RBMS3: variants seen among roughly 807,000 people sequenced by gnomAD.
RBMS3 encodes RNA-binding motif, single-stranded-interacting protein 3.
A neutral mutation model predicts 66.8 loss-of-function variants in RBMS3; 27 were observed. That is an observed-to-expected ratio of 0.40 (90% confidence interval 0.30 to 0.56). The LOEUF (loss-of-function observed/expected upper bound fraction) is 0.56, where lower values mean the gene tolerates loss of function less well. RBMS3 is among the 20% of genes least tolerant of loss of function. The pLI is 0.40. For synonymous variants in RBMS3, 188 were observed against 183.0 expected (o/e 1.03, Z -0.22); for missense variants, 513 against 549.5 (o/e 0.93, Z 0.66).
chr3:29,767,005 C>T (rs904788566), intron 6 of RBMS3: 4 of 152,060 alleles, frequency 2.6e-5, no homozygotes, highest in Admixed American at 1.3e-4. Flanking sequence ...AATGAAGGAT[C>T]ATTAGTTGCT....
chr3:29,535,185 A>G (rs1026367560), intron 3 of RBMS3, among the ~76,000 whole-genome samples: 1 of 152,148 alleles, frequency 6.6e-6, no homozygotes, highest in Admixed American at 6.5e-5. Context: ...TTTTTAGAGC[A>G]AGTTTGAATG....
chr3:29,954,319 C>T (rs1695881795), intron 12 of RBMS3, among the ~76,000 whole-genome samples: 1 of 151,900 alleles, frequency 6.6e-6, no homozygotes, highest in Non-Finnish European at 1.5e-5. Flanking sequence ...CCTATCCACT[C>T]TTACCTGGCC....
chr3:29,511,203 G>A (rs1362710271), intron 3 of RBMS3, among the ~76,000 whole-genome samples: 1 of 152,056 alleles, frequency 6.6e-6, no homozygotes, highest in Non-Finnish European at 1.5e-5. Context: ...AGGCTGAGGC[G>A]GGAGAATCAC....
chr3:29,879,518 A>T (rs1459503169), intron 7 of RBMS3, among the ~76,000 whole-genome samples: 1 of 152,198 alleles, frequency 6.6e-6, no homozygotes. Flanking sequence ...GTGCTAATTC[A>T]GTATACAATA....
At chr3:29,848,208 C>T (rs560783358) in intron 6 of RBMS3, among the ~76,000 whole-genome samples, 1 of 152,300 alleles carries the variant, frequency 6.6e-6, no homozygotes, top group Non-Finnish European at 1.5e-5. Context: ...AGGTTTCACA[C>T]AGCAGTCAGC....
At chr3:29,658,910 C>T (rs774990098) in intron 4 of RBMS3, among the ~76,000 whole-genome samples, 1 of 152,204 alleles carries the variant, frequency 6.6e-6, no homozygotes, top group Non-Finnish European at 1.5e-5. Flanking sequence ...GCAACCTCCG[C>T]CTCCCGGGTT....
chr3:29,586,791 T>A (rs1436957046), intron 3 of RBMS3, among the ~76,000 whole-genome samples: 1 of 152,138 alleles, frequency 6.6e-6, no homozygotes, highest in African/African-American at 2.4e-5. Flanking sequence ...TGTACCTCAC[T>A]TTTGCCATAA....
chr3:29,916,595 T>C (rs2060642899), intron 10 of RBMS3, among the ~76,000 whole-genome samples: 1 of 151,950 alleles, frequency 6.6e-6, no homozygotes, highest in Admixed American at 6.6e-5. Flanking sequence ...ATATTTGTCC[T>C]AAAGCAGGCT....
At chr3:29,543,621 A>G (rs2149016623) in intron 3 of RBMS3, among the ~76,000 whole-genome samples, 1 of 152,250 alleles carries the variant, frequency 6.6e-6, no homozygotes, top group Admixed American at 6.5e-5. Context: ...GAGGCAGGAG[A>G]ATTGCTTGAA....
chr3:29,891,985 TA>T (rs562883203), intron 8 of RBMS3, among the ~76,000 whole-genome samples: 1 of 151,390 alleles, frequency 6.6e-6, no homozygotes, highest in African/African-American at 2.4e-5. Flanking sequence ...TTTTGTACAG[TA>T]AAAAAAATTA....
chr3:29,691,947 C>CTCTCTCTCTTTTTTTT (rs1218393454), intron 4 of RBMS3, among the ~76,000 whole-genome samples: 1 of 53,546 alleles, frequency 1.9e-5, no homozygotes, highest in Admixed American at 1.9e-4. Context: ...CTCTCTCTCT[C>CTCTCTCTCTTTTTTTT]TATTTTTTTT....
At chr3:29,980,474 T>G (rs1007335360) in intron 12 of RBMS3, among the ~76,000 whole-genome samples, 11 of 152,236 alleles carry the variant, frequency 7.2e-5, no homozygotes, top group African/African-American at 2.7e-4. Flanking sequence ...TTGTTGCCAT[T>G]GCTTTTGGTG....
intron 12 of RBMS3, among the ~76,000 whole-genome samples, chr3:29,979,747 C>A (rs2149779512): frequency 6.6e-6 from 1 of 152,270 alleles, no homozygotes; most frequent in African/African-American, 2.4e-5. Flanking sequence ...TTATCCATGT[C>A]CCTGCAAAGG....
At chr3:29,795,528 T>C (rs1256340300) in intron 6 of RBMS3, among the ~76,000 whole-genome samples, 1 of 152,240 alleles carries the variant, frequency 6.6e-6, no homozygotes, top group Non-Finnish European at 1.5e-5. Context: ...AAATCCAGAA[T>C]GCAGTTTTGT....
chr3:29,395,059 G>A (rs1444442720), intron 1 of RBMS3, among the ~76,000 whole-genome samples: 1 of 152,150 alleles, frequency 6.6e-6, no homozygotes, highest in African/African-American at 2.4e-5. Flanking sequence ...ACTCTGTTTA[G>A]TTTTATGTAT....
intron 1 of RBMS3, among the ~76,000 whole-genome samples, chr3:29,368,133 A>G (rs1467565767): frequency 5.9e-5 from 9 of 152,186 alleles, no homozygotes; most frequent in Non-Finnish European, 7.4e-5. Flanking sequence ...TTATGTGGCC[A>G]TCAATTTAGT....
intron 6 of RBMS3, among the ~76,000 whole-genome samples, chr3:29,792,669 C>A (rs1404125030): frequency 6.6e-6 from 1 of 152,060 alleles, no homozygotes; most frequent in Non-Finnish European, 1.5e-5. Context: ...CAAAGCCTGG[C>A]CAAATGAAAC....
At chr3:29,536,499 G>A (rs2045562754) in intron 3 of RBMS3, among the ~76,000 whole-genome samples, 1 of 152,100 alleles carries the variant, frequency 6.6e-6, no homozygotes. Context: ...CTGTTCTGAT[G>A]TTTACTGACT....
At chr3:29,877,953 G>A (rs576785834) in intron 7 of RBMS3, among the ~76,000 whole-genome samples, 14 of 152,010 alleles carry the variant, frequency 9.2e-5, no homozygotes, top group African/African-American at 1.7e-4. Context: ...ATCTAGTACC[G>A]TGGTCCTCAT....
Sources: allele counts gnomAD v4.1 joint callset (sites outside exome capture counted in the v4.1 genomes callset), GRCh38; gene constraint gnomAD v4.1.1; transcripts MANE v1.5; gene names NCBI Gene and HGNC (gene_info 2026-07-23, HGNC 2026-07-21).